Variants in ROR1 observed in about 807,000 individuals in gnomAD.
The protein encoded by ROR1 is inactive tyrosine-protein kinase transmembrane receptor ROR1.
A neutral mutation model predicts 78.8 loss-of-function variants in ROR1; 19 were observed. The observed-to-expected ratio is 0.24, with a 90% confidence interval of 0.17 to 0.35. ROR1 has a LOEUF of 0.35. Among genes scored for constraint, ROR1 ranks in the 10% least tolerant of loss-of-function variants. The pLI is 1.00. For synonymous variants in ROR1, 386 were observed against 433.6 expected (o/e 0.89, Z 1.36); for missense variants, 917 against 1,177.8 (o/e 0.78, Z 3.24).
intron 4 of ROR1, among the ~76,000 whole-genome samples, chr1:64,062,207 C>T (rs1280070628): frequency 6.6e-6 from 1 of 152,140 alleles, no homozygotes; most frequent in Non-Finnish European, 1.5e-5. Flanking sequence ...TGGGTGACTG[C>T]CTGTGTTTTG....
chr1:63,904,206 T>TTACGGGTTG (rs1645511028), intron 1 of ROR1, among the ~76,000 whole-genome samples: 1 of 152,134 alleles, frequency 6.6e-6, no homozygotes, highest in African/African-American at 2.4e-5. Flanking sequence ...TGTGTGCTTT[T>TTACGGGTTG]TGTGGATTAC....
chr1:64,040,722 A>G (rs534319385), intron 2 of ROR1, among the ~76,000 whole-genome samples: 3 of 152,246 alleles, frequency 2.0e-5, no homozygotes, highest in South Asian at 4.1e-4. Context: ...CCTGGGGTCT[A>G]TTTTATAAGG....
intron 1 of ROR1, among the ~76,000 whole-genome samples, chr1:63,921,354 G>A (rs1451560226): frequency 6.6e-6 from 1 of 152,134 alleles, no homozygotes; most frequent in Non-Finnish European, 1.5e-5. Context: ...TGGGGGTGGC[G>A]ACGCTGCACA....
At chr1:63,913,239 CAT>C (rs1256592264) in intron 1 of ROR1, among the ~76,000 whole-genome samples, 7 of 152,188 alleles carry the variant, frequency 4.6e-5, no homozygotes, top group East Asian at 3.9e-4. Flanking sequence ...GTAGAATAGA[CAT>C]GTGTAATATA....
At chr1:63,817,266 G>T (rs144223302) in intron 1 of ROR1, among the ~76,000 whole-genome samples, 27 of 152,230 alleles carry the variant, frequency 1.8e-4, no homozygotes, top group Admixed American at 5.2e-4. Context: ...TGATGTCAAC[G>T]CCCCGTGGTC....
At position 63,885,689 on chromosome 1, in the gene ROR1, T is replaced by C. The variant is rs147515976; in HGVS notation, c.91+111181T>C. On this transcript the variant is annotated intron_variant, in intron 1 of 8. Coordinates refer to ENST00000371079, the MANE Select transcript of ROR1 (RefSeq NM_005012.4). ...AGCATCTCTTACCTAATTATTTGCT[T>C]CCTGAAAGCATTTTTCTCCCAAGAG... 6.2e-3 allele frequency among the ~76,000 whole-genome samples: 945 copies of C among 152,256 alleles called. 6 individuals are homozygous for C. The highest frequency in any genetic ancestry group is 0.014 in the Middle Eastern group (4 of 292).
chr1:63,866,992 A>C (rs1428376316), intron 1 of ROR1, among the ~76,000 whole-genome samples: 1 of 152,248 alleles, frequency 6.6e-6, no homozygotes, highest in Admixed American at 6.5e-5. Context: ...AGGCATAGTG[A>C]AAACCATTAT....
At chr1:64,151,746 T>A (rs1569858529) in intron 7 of ROR1, among the ~76,000 whole-genome samples, 1 of 150,106 alleles carries the variant, frequency 6.7e-6, no homozygotes, top group African/African-American at 2.5e-5. Flanking sequence ...TAGCCGGGTG[T>A]GGTGGAGGGT....
chr1:63,804,620 G>A (rs534838819), intron 1 of ROR1, among the ~76,000 whole-genome samples: 9 of 152,202 alleles, frequency 5.9e-5, no homozygotes, highest in Middle Eastern at 3.4e-3. Flanking sequence ...TATTTTTACC[G>A]TTCTTTATTT....
chr1:63,885,484 G>A (rs183117968), intron 1 of ROR1, among the ~76,000 whole-genome samples: 4 of 152,270 alleles, frequency 2.6e-5, no homozygotes, highest in South Asian at 2.1e-4. Context: ...GGGATCAGTG[G>A]TGGTTTCTGG....
chr1:64,068,170 C>T (rs764112264), intron 4 of ROR1, among the ~76,000 whole-genome samples: 8 of 152,156 alleles, frequency 5.3e-5, no homozygotes, highest in Non-Finnish European at 1.0e-4. Context: ...TGTTAAATGT[C>T]TAAAAACGTC....
In ROR1 at chr1:64,049,748, C is replaced by T. The variant is rs1208524257; in HGVS notation, c.221C>T (p.Thr74Ile). The T allele has an allele frequency of 6.2e-7, 1 of 1,614,032 alleles. No individual in the cohort carries two copies. Among genetic ancestry groups the T allele is most frequent in the Non-Finnish European group, 8.5e-7 (1 of 1,180,022 alleles). Residue 74 changes from threonine to isoleucine, a missense_variant, in exon 3 of 9, where the codon ACA (threonine) becomes ATA (isoleucine). Coordinates refer to ENST00000371079, the MANE Select transcript of ROR1 (RefSeq NM_005012.4). ...MNNITTSLGQTAELHCKVSGN... is the reference protein window; with the variant it reads ...MNNITTSLGQIAELHCKVSGN... ...AACATCACCACGTCTCTGGGCCAGA[C>T]AGCAGAACTGCACTGCAAAGTCTCT...
chr1:64,000,176 G>A (rs1646371181), intron 1 of ROR1, among the ~76,000 whole-genome samples: 1 of 152,110 alleles, frequency 6.6e-6, no homozygotes, highest in Admixed American at 6.6e-5. Context: ...TTTGGGGGAA[G>A]CATGTTTAAG....
intron 2 of ROR1, among the ~76,000 whole-genome samples, chr1:64,014,143 G>A (rs1316851102): frequency 6.6e-6 from 1 of 152,102 alleles, no homozygotes; most frequent in Non-Finnish European, 1.5e-5. Context: ...TCCTCCTGTG[G>A]GGCAAGTTCC....
chr1:64,140,019 A>G (rs1569842305), intron 5 of ROR1, 90 bp from the exon 6 acceptor site: 1 of 1,189,778 alleles, frequency 8.4e-7, no homozygotes. Context: ...ATTCCTTGCA[A>G]TGTGTGTTTA....
At chr1:63,776,044 T>A (rs1416470912) in intron 1 of ROR1, among the ~76,000 whole-genome samples, 1 of 152,212 alleles carries the variant, frequency 6.6e-6, no homozygotes, top group East Asian at 1.9e-4. Flanking sequence ...AATGTAAACA[T>A]CCTTCTCAAG....
At chr1:64,058,597 G>T (rs1164892862) in intron 4 of ROR1, among the ~76,000 whole-genome samples, 5 of 147,480 alleles carry the variant, frequency 3.4e-5, no homozygotes, top group Admixed American at 6.7e-5. Context: ...ATCGTGGTGG[G>T]TTTTTTTTTG....
intron 4 of ROR1, among the ~76,000 whole-genome samples, chr1:64,098,881 A>G (rs550176188): frequency 2.4e-4 from 36 of 152,364 alleles, no homozygotes; most frequent in Middle Eastern, 6.8e-3. Context: ...TGAAAAATAA[A>G]TATCGGGGCT....
At chr1:64,138,772 G>A (rs1212441795) in intron 5 of ROR1, among the ~76,000 whole-genome samples, 1 of 152,082 alleles carries the variant, frequency 6.6e-6, no homozygotes, top group Non-Finnish European at 1.5e-5. Flanking sequence ...AAATTTCAAA[G>A]AGCAGTAAGA....
Sources: gnomAD v4.1 joint callset for allele counts (sites outside exome capture counted in the v4.1 genomes callset) on GRCh38, gnomAD v4.1.1 for gene constraint, MANE v1.5 for transcripts, NCBI Gene and HGNC (gene_info 2026-07-23, HGNC 2026-07-21) for gene names.